PLEKHA6: variants seen among roughly 807,000 people sequenced by gnomAD.
The protein encoded by PLEKHA6 is pleckstrin homology domain-containing family A member 6.
Under a neutral mutation model 116.7 loss-of-function variants are expected in PLEKHA6, and 60 were observed. That is an observed-to-expected ratio of 0.51 (90% CI 0.42 to 0.64). The LOEUF is 0.64. Ranked by LOEUF, PLEKHA6 falls within the 30% of genes least tolerant of loss-of-function variation. The probability of loss-of-function intolerance (pLI) is 0.00; values close to 1 mark genes in which losing one functional copy is unlikely to be tolerated. For synonymous variants in PLEKHA6, 489 were observed against 556.1 expected, an observed-to-expected ratio of 0.88 and a Z score of 1.70; for missense variants, 1,338 against 1,422.7, an observed-to-expected ratio of 0.94 and a Z score of 0.96.
chr1:204,359,647 C>A (rs1188659781), intron 1 of PLEKHA6, 47 bp downstream of exon 1: 18 of 985,042 alleles, frequency 1.8e-5, no homozygotes, highest in Non-Finnish European at 2.2e-5. Flanking sequence ...CAGAGCCCAG[C>A]CTTCCTCCTC....
chr1:204,375,856 T>TTCCTG (rs1240212264), intron 1 of PLEKHA6, among the ~76,000 whole-genome samples: 1 of 137,522 alleles, frequency 7.3e-6, no homozygotes, highest in African/African-American at 2.8e-5. Context: ...GTGCTCTAGG[T>TTCCTG]TACCTGTTCC....
At chr1:204,313,715 C>G in intron 1 of PLEKHA6, 1 of 985,216 alleles carries the variant, frequency 1.0e-6, no homozygotes, top group Non-Finnish European at 1.2e-6. Flanking sequence ...AGCTAACCAC[C>G]TTTCTATCTG....
chr1:204,254,573 G>A (rs993979329), intron 9 of PLEKHA6, among the ~76,000 whole-genome samples: 3 of 152,136 alleles, frequency 2.0e-5, no homozygotes, highest in African/African-American at 7.2e-5. Flanking sequence ...TCCAAGCTCG[G>A]CTGTTCACTG....
chr1:204,257,395 G>A lies in PLEKHA6; in HGVS notation c.1482C>T (p.Asp494=). ...LPPRSEDIYA[D]PAAYVMRRSI... ...ATCGCCTCATCACATAGGCAGCAGG[G>A]TCAGCATAGATGTCCTCACTGCGAG... Residue 494 remains aspartate, a synonymous_variant, in exon 9 of 23, where the codon GAC becomes GAT. Coordinates refer to ENST00000272203, the MANE Select transcript of PLEKHA6 (RefSeq NM_014935.5). This position sits in a 1 kb window ranked among gnomAD's most constrained non-coding sequence, Gnocchi z 6.5. The A allele has an allele frequency of 6.4e-7, 1 of 1,563,724 alleles. No homozygotes were observed. The highest frequency in any genetic ancestry group is 8.7e-7 in the Non-Finnish European group (1 of 1,153,408).
intron 1 of PLEKHA6, among the ~76,000 whole-genome samples, chr1:204,377,340 C>T (rs1673887713): frequency 1.3e-5 from 2 of 152,232 alleles, no homozygotes; most frequent in Admixed American, 6.5e-5. Context: ...AAGGGCAGCA[C>T]TCCCCTGCCC....
Position 204,248,846 on chromosome 1 carries a change from C to T in PLEKHA6, c.1799G>A (p.Arg600His), listed in dbSNP as rs769462449. ...CGTGGTCGCCTGAGACAGCTCCACG[C>T]GGATGTTGATGAGCTGGTTCTGCAG... ...DSLQNQLINIRVELSQATTAL... is the reference protein window; with the variant it reads ...DSLQNQLINIHVELSQATTAL... The change falls in exon 12 of 23, where the codon CGC (arginine) becomes CAC (histidine). Residue 600 changes from arginine to histidine, a missense_variant. Transcript: ENST00000272203. 42 of 1,613,866 alleles carry T rather than the reference C, an allele frequency of 2.6e-5. No individual in the cohort carries two copies. Among genetic ancestry groups the T allele is most frequent in the Non-Finnish European group, 3.2e-5 (38 of 1,179,984 alleles).
In PLEKHA6 at chr1:204,220,342, G is replaced by C. The variant is rs763992648; in HGVS notation, c.*2446C>G. The C allele has an allele frequency of 1.3e-5, 2 of 152,330 alleles. No individual in the cohort carries two copies. Among genetic ancestry groups the C allele is most frequent in the African/African-American group, 2.4e-5 (1 of 41,446 alleles). 9.4% of individuals were successfully genotyped at this position (152,330 alleles called of 1,614,324 possible). ...ACAGTGTAATAAAATCCTTAGGCCA[G>C]GACTTCCGAGGGAATGCCCTGCCCC... On this transcript the variant is annotated 3_prime_UTR_variant, in exon 23 of 23. Coordinates refer to ENST00000272203, the MANE Select transcript of PLEKHA6 (RefSeq NM_014935.5).
At chr1:204,256,072 A>C (rs974084958) in intron 9 of PLEKHA6, among the ~76,000 whole-genome samples, 1 of 152,206 alleles carries the variant, frequency 6.6e-6, no homozygotes, top group African/African-American at 2.4e-5. Context: ...TGCTGTGGAC[A>C]CTGGCAGAGT....
At chr1:204,332,061 C>T (rs1424770495) in intron 1 of PLEKHA6, among the ~76,000 whole-genome samples, 1 of 152,202 alleles carries the variant, frequency 6.6e-6, no homozygotes, top group Admixed American at 6.5e-5. Flanking sequence ...ACTAATCCAC[C>T]TGCCTCCTGA....
At chr1:204,353,186 T>C (rs1035788479) in intron 1 of PLEKHA6, among the ~76,000 whole-genome samples, 1 of 152,190 alleles carries the variant, frequency 6.6e-6, no homozygotes, top group Non-Finnish European at 1.5e-5. Context: ...ACCAACCATT[T>C]TGTGACTGGC....
At chr1:204,332,381 T>C (rs1420615605) in intron 1 of PLEKHA6, among the ~76,000 whole-genome samples, 2 of 151,214 alleles carry the variant, frequency 1.3e-5, no homozygotes, top group Non-Finnish European at 3.0e-5. Context: ...TCACTGTTTG[T>C]TTTTTTTTAA....
At position 204,337,860 on chromosome 1, in the gene PLEKHA6, G is replaced by A. The variant is rs554616271; in HGVS notation, c.-95+21834C>T. Among the ~76,000 whole-genome samples, 10 of 152,310 alleles carry A rather than the reference G, an allele frequency of 6.6e-5. No homozygotes were observed. In the East Asian group the frequency reaches 1.2e-3, roughly 18 times the overall value. ...TGAGGAGGGCAAACCCGTCAACTGC[G>A]TTGCCAGCCATAAAGCATGCCAGGT... On this transcript the variant is annotated intron_variant, in intron 1 of 22. Transcript: ENST00000272203.
At chr1:204,352,053 G>A (rs1443073381) in intron 1 of PLEKHA6, among the ~76,000 whole-genome samples, 2 of 148,836 alleles carry the variant, frequency 1.3e-5, no homozygotes, top group African/African-American at 5.0e-5. Flanking sequence ...CAGCCTGGGT[G>A]ACAGAGTGAG....
At position 204,257,733 on chromosome 1, in the gene PLEKHA6, G is replaced by A. The variant is rs376248937; in HGVS notation, c.1144C>T (p.Arg382Trp). 1.6e-5 allele frequency: 26 copies of A among 1,613,360 alleles called. No individual in the cohort carries two copies. In the Admixed American group the frequency reaches 1.7e-4, roughly 10 times the overall value. ...TCCAGGGCCCAGGGCGGGCTGATCC[G>A]ATCATAGGCCGGCATGGAACAGATG... ...ESICSMPAYDRISPPWALEDK... is the reference protein window; with the variant it reads ...ESICSMPAYDWISPPWALEDK... Residue 382 changes from arginine (R) to tryptophan (W), a missense_variant, in exon 9 of 23, where the codon CGG becomes TGG. Arg to Trp is a moderately radical substitution (Grantham distance 101). Transcript: ENST00000272203. The surrounding 1 kb of genome is among the most constrained non-coding windows in gnomAD (Gnocchi z 6.5).
rs1388088180 is a variant in PLEKHA6, at chr1:204,257,384, T to C, written c.1493A>G (p.Tyr498Cys). Residue 498 changes from tyrosine to cysteine, a missense_variant, in exon 9 of 23, where the codon TAT (tyrosine) becomes TGT (cysteine). By Grantham distance (194) the Tyr-to-Cys change is radical (BLOSUM62 -2). Coordinates refer to ENST00000272203, the MANE Select transcript of PLEKHA6 (RefSeq NM_014935.5). The surrounding 1 kb of genome is among the most constrained non-coding windows in gnomAD (Gnocchi z 6.5). ...GGAGCTGATGGATCGCCTCATCACA[T>C]AGGCAGCAGGGTCAGCATAGATGTC... Reference protein sequence around the residue: ...SEDIYADPAAYVMRRSISSPK... With the variant: ...SEDIYADPAACVMRRSISSPK... The C allele has an allele frequency of 2.6e-6, 4 of 1,563,674 alleles. No individual in the cohort carries two copies. Among genetic ancestry groups the C allele is most frequent in the African/African-American group, 1.4e-5 (1 of 73,824 alleles).
At chr1:204,333,697 C>G (rs573343691) in intron 1 of PLEKHA6, among the ~76,000 whole-genome samples, 2 of 152,290 alleles carry the variant, frequency 1.3e-5, no homozygotes, top group South Asian at 4.1e-4. Flanking sequence ...CAGGCCAGGC[C>G]TCAGCTTGCA....
At chr1:204,255,879 C>G (rs1665214275) in intron 9 of PLEKHA6, among the ~76,000 whole-genome samples, 1 of 152,162 alleles carries the variant, frequency 6.6e-6, no homozygotes, top group Non-Finnish European at 1.5e-5. Context: ...CTACTGGACA[C>G]TCCAGGAGAG....
intron 1 of PLEKHA6, among the ~76,000 whole-genome samples, chr1:204,280,789 T>C (rs1487048854): frequency 6.6e-6 from 1 of 152,260 alleles, no homozygotes; most frequent in Admixed American, 6.5e-5. Context: ...AGGAGGCTTA[T>C]CTGCTTCAGC....
At chr1:204,280,550 G>T in intron 1 of PLEKHA6, 2 of 731,558 alleles carry the variant, frequency 2.7e-6, no homozygotes, top group Non-Finnish European at 3.3e-6. Context: ...TCCTGAGGAC[G>T]CCTTGGCTTC....
Sources: gnomAD v4.1 joint callset for allele counts (sites outside exome capture counted in the v4.1 genomes callset) on GRCh38, gnomAD v4.1.1 for gene constraint, Gnocchi (gnomAD v3.1) non-coding constraint, MANE v1.5 for transcripts, NCBI Gene and HGNC (gene_info 2026-07-23, HGNC 2026-07-21) for gene names.